QTGAL: variants seen among roughly 807,000 people sequenced by gnomAD.
The protein encoded by QTGAL is BGnT-like protein 1.
At chr17:82,998,522 T>C in the QTGAL span, among the ~76,000 whole-genome samples, 1 of 152,012 alleles carries the variant, frequency 6.6e-6, no homozygotes, top group African/African-American at 2.4e-5. Context: ...ATTTTTTGTA[T>C]TTTTAGTAGA....
At chr17:83,007,302 C>G in the QTGAL span, 3 of 984,490 alleles carry the variant, frequency 3.0e-6, no homozygotes, top group Non-Finnish European at 3.6e-6. Flanking sequence ...TTCCCCACAC[C>G]CAATCTGACC....
the QTGAL span, among the ~76,000 whole-genome samples, chr17:83,019,144 G>A: frequency 2.0e-5 from 3 of 152,150 alleles, no homozygotes; most frequent in Non-Finnish European, 2.9e-5. Flanking sequence ...CGTCCAGAAA[G>A]GGATTGTCTG....
chr17:83,026,872 G>T, the QTGAL span, among the ~76,000 whole-genome samples: 5 of 91,642 alleles, frequency 5.5e-5, no homozygotes, highest in Non-Finnish European at 9.2e-5. Context: ...AGCGGGGCAG[G>T]AAGCCTGCAG....
At chr17:82,970,645 C>CGGCGTGGCCGTGACCTCTGCACAT in the QTGAL span, among the ~76,000 whole-genome samples, 3 of 68,400 alleles carry the variant, frequency 4.4e-5, 1 homozygote, top group Non-Finnish European at 9.4e-5. Flanking sequence ...CCTCCGCACC[C>CGGCGTGGCCGTGACCTCTGCACAT]GGTGTGGCCG....
chr17:83,013,251 T>C, the QTGAL span, among the ~76,000 whole-genome samples: 1 of 151,060 alleles, frequency 6.6e-6, no homozygotes, highest in Non-Finnish European at 1.5e-5. Flanking sequence ...GAGGCAACCG[T>C]GTGGGGCCCT....
At chr17:83,010,027 T>C in the QTGAL span, among the ~76,000 whole-genome samples, 2 of 65,466 alleles carry the variant, frequency 3.1e-5, no homozygotes, top group Non-Finnish European at 5.6e-5. Flanking sequence ...GCCCCTGGTG[T>C]GGGGGGGCTG....
the QTGAL span, chr17:83,014,460 C>T: frequency 1.5e-5 from 24 of 1,613,976 alleles, no homozygotes; most frequent in South Asian, 1.4e-4. Flanking sequence ...TTACGCTCGA[C>T]GGGTGCTGAA....
chr17:82,967,320 T>C, the QTGAL span, among the ~76,000 whole-genome samples: 1 of 152,186 alleles, frequency 6.6e-6, no homozygotes, highest in African/African-American at 2.4e-5. Flanking sequence ...AGGTGCTGTG[T>C]GTGTGAACAC....
At chr17:82,976,352 G>A in the QTGAL span, among the ~76,000 whole-genome samples, 3 of 67,966 alleles carry the variant, frequency 4.4e-5, no homozygotes, top group Admixed American at 1.2e-4. Context: ...GACAGAGCCG[G>A]ACTCCATCCT....
At chr17:82,964,228 C>T in the QTGAL span, among the ~76,000 whole-genome samples, 457 of 134,576 alleles carry the variant, frequency 3.4e-3, 2 homozygotes, top group African/African-American at 0.012. Flanking sequence ...TGCACTCCAG[C>T]CTCAGGAACA....
chr17:83,005,364 C>T, the QTGAL span, among the ~76,000 whole-genome samples: 3,049 of 152,124 alleles, frequency 0.02, 115 homozygotes, highest in African/African-American at 0.07. This position sits in a 1 kb window ranked among gnomAD's most constrained non-coding sequence, Gnocchi z 5.6. Context: ...CACCGGGAGT[C>T]GAGGGCGAGG....
At chr17:82,980,671 T>C in the QTGAL span, among the ~76,000 whole-genome samples, 38 of 152,308 alleles carry the variant, frequency 2.5e-4, no homozygotes, top group Non-Finnish European at 4.4e-4. Flanking sequence ...GGGAAAGGTA[T>C]GGGGGAAGTG....
At chr17:83,032,512 A>ATG in the QTGAL span, among the ~76,000 whole-genome samples, 1 of 36,454 alleles carries the variant, frequency 2.7e-5, no homozygotes, top group Non-Finnish European at 5.1e-5. Context: ...CTGAACAACC[A>ATG]GGTCAGACCA....
the QTGAL span, chr17:83,005,631 C>G: frequency 1.6e-5 from 11 of 702,886 alleles, no homozygotes; most frequent in Non-Finnish European, 2.6e-5. The surrounding 1 kb of genome is among the most constrained non-coding windows in gnomAD (Gnocchi z 5.6). Context: ...CGCAGGCCGC[C>G]CGTCTGAACC....
chr17:82,961,320 G>C, the QTGAL span: 1 of 1,115,392 alleles, frequency 9.0e-7, no homozygotes, highest in African/African-American at 1.6e-5. Flanking sequence ...CGGTCTAGAG[G>C]CTCAACAGGG....
the QTGAL span, chr17:82,956,641 G>A: frequency 2.7e-6 from 4 of 1,485,350 alleles, no homozygotes; most frequent in African/African-American, 2.8e-5. This position sits in a 1 kb window ranked among gnomAD's most constrained non-coding sequence, Gnocchi z 5.7. Context: ...GGTTGTCCAG[G>A]TGGCAGAGCC....
the QTGAL span, among the ~76,000 whole-genome samples, chr17:83,002,823 GT>G: frequency 1.0e-5 from 1 of 95,306 alleles, no homozygotes; most frequent in South Asian, 3.4e-4. Context: ...AACACTAGCT[GT>G]GGGATTCCTG....
the QTGAL span, chr17:82,947,862 TCCTC>T: frequency 1.3e-5 from 2 of 152,318 alleles, no homozygotes; most frequent in African/African-American, 2.4e-5. Context: ...TATCTGTCCT[TCCTC>T]CCTTGTCTCT....
the QTGAL span, among the ~76,000 whole-genome samples, chr17:83,027,448 G>T: frequency 0.18 from 27,656 of 152,166 alleles, 2,854 homozygotes; most frequent in Non-Finnish European, 0.24. Flanking sequence ...CTCCTTCGGG[G>T]TGAGCAAAAG....
Sources: allele counts gnomAD v4.1 joint callset (sites outside exome capture counted in the v4.1 genomes callset), GRCh38; gene constraint gnomAD v4.1.1; non-coding constraint Gnocchi (gnomAD v3.1); transcripts MANE v1.5; gene names NCBI Gene and HGNC (gene_info 2026-07-23, HGNC 2026-07-21).